Variants in NAV2 observed in about 807,000 individuals in gnomAD.
The protein encoded by NAV2 is helicase, APC down-regulated 1.
NAV2 carries 54 observed loss-of-function variants against 223.2 expected under a neutral mutation model. That is an observed-to-expected ratio of 0.24 (90% CI 0.19 to 0.30). The LOEUF is 0.30. Ranked by LOEUF, NAV2 falls within the 10% of genes least tolerant of loss-of-function variation. The pLI, the probability that NAV2 is intolerant of heterozygous loss-of-function variation, is 1.00. For missense variants in NAV2, 2,806 were observed against 3,147.5 expected (o/e 0.89, Z 2.60); for synonymous variants, 1,279 against 1,239.3 (o/e 1.03, Z -0.67).
At chr11:20,014,004 C>T (rs2053795700) in intron 11 of NAV2, among the ~76,000 whole-genome samples, 1 of 152,182 alleles carries the variant, frequency 6.6e-6, no homozygotes, top group South Asian at 2.1e-4. Context: ...TCTCCTCTGC[C>T]CTGCAGCGCA....
intron 10 of NAV2, among the ~76,000 whole-genome samples, chr11:19,971,555 T>A (rs2049247201): frequency 6.6e-6 from 1 of 152,162 alleles, no homozygotes; most frequent in Non-Finnish European, 1.5e-5. Context: ...CCCATGTGAA[T>A]GTATCATATG....
At chr11:19,529,776 C>T (rs2043967227) in intron 1 of NAV2, among the ~76,000 whole-genome samples, 1 of 152,236 alleles carries the variant, frequency 6.6e-6, no homozygotes, top group South Asian at 2.1e-4. Flanking sequence ...TCAAATCACT[C>T]AGTGACCGGT....
At chr11:19,982,259 T>TTTTGTTTTG (rs1555178644) in intron 10 of NAV2, among the ~76,000 whole-genome samples, 12,229 of 135,556 alleles carry the variant, frequency 0.09, 542 homozygotes, top group African/African-American at 0.11. Flanking sequence ...TTTGTTTTTG[T>TTTTGTTTTG]TTTTGTTTTG....
rs370548229 is a variant in NAV2 at position 19,939,668 on chromosome 11, A to C, written c.2041A>C (p.Thr681Pro). 20 of 1,613,982 alleles carry C rather than the reference A, an allele frequency of 1.2e-5. No individual in the cohort carries two copies. Among genetic ancestry groups the C allele is most frequent in the Non-Finnish European group, 1.6e-5 (19 of 1,179,916 alleles). The change falls in exon 8 of 38, where the codon ACG (threonine) becomes CCG (proline). Residue 681 changes from threonine (T) to proline (P), a missense_variant. Thr to Pro is a conservative substitution (Grantham distance 38). This residue lies in a region of NAV2 where 1,167 missense variants were observed against 1,180.5 expected (regional missense o/e 0.99). Transcript: ENST00000349880. Reference sequence around the variant, plus strand: ...TTCGGTTTGTGTGTGAAGGTCTCAGACGGACACTGAAGGGAATGTTACTGC... The same window carrying C: ...TTCGGTTTGTGTGTGAAGGTCTCAGCCGGACACTGAAGGGAATGTTACTGC... ...TVAPFLYRSQ[T>P]DTEGNVTAES...
intron 1 of NAV2, among the ~76,000 whole-genome samples, chr11:19,799,543 C>T (rs749107359): frequency 2.7e-5 from 4 of 146,516 alleles, no homozygotes; most frequent in Admixed American, 6.9e-5. Flanking sequence ...CTGGCCAGGA[C>T]GCCCGTTATA....
rs1403292575 is a variant in NAV2, at chr11:19,949,089, C to T, written c.2645+9C>T. 6.4e-7 allele frequency: 1 copy of T among 1,571,934 alleles called. No individual in the cohort carries two copies. Among genetic ancestry groups the T allele is most frequent in the East Asian group, 2.3e-5 (1 of 44,304 alleles). ...GATGACATTACAAGCGGGTAAGTAC[C>T]CGGGGCCGCCCTTTCTCCCAGAGAG... On this transcript the variant is annotated intron_variant, in intron 10 of 37. Coordinates refer to ENST00000349880, the MANE Select transcript of NAV2 (RefSeq NM_145117.5).
chr11:20,113,107 C>T (rs1160726109), intron 36 of NAV2, among the ~76,000 whole-genome samples: 2 of 152,216 alleles, frequency 1.3e-5, no homozygotes, highest in African/African-American at 4.8e-5. Context: ...CATGTCCTGC[C>T]ACATGGACCA....
chr11:19,709,164 C>T (rs2049774426), upstream of NAV2, among the ~76,000 whole-genome samples: 1 of 149,678 alleles, frequency 6.7e-6, no homozygotes, highest in Non-Finnish European at 1.5e-5. Context: ...GAAAAAATAG[C>T]TTCCCCCCGC....
intron 1 of NAV2, among the ~76,000 whole-genome samples, chr11:19,671,362 A>G (rs144747816): frequency 3.3e-5 from 5 of 152,252 alleles, no homozygotes; most frequent in Non-Finnish European, 7.4e-5. Context: ...TGTAGTTTTT[A>G]TGTCCTGTCC....
At chr11:19,579,466 T>C (rs1482967312) in intron 1 of NAV2, among the ~76,000 whole-genome samples, 6 of 152,106 alleles carry the variant, frequency 3.9e-5, no homozygotes, top group Non-Finnish European at 8.8e-5. Context: ...CTGACAGTCA[T>C]GGGTGGCAGC....
In NAV2 at chr11:20,114,727, T is replaced by A. The variant is rs2062908857; in HGVS notation, c.7096T>A (p.Tyr2366Asn). The A allele has an allele frequency of 6.2e-7, 1 of 1,614,006 alleles. No homozygotes were observed. The highest frequency in any genetic ancestry group is 8.5e-7 in the Non-Finnish European group (1 of 1,180,030). Residue 2366 changes from tyrosine (Y) to asparagine (N), a missense_variant, in exon 37 of 38, where the codon TAC (tyrosine) becomes AAC (asparagine). This residue lies in a region of NAV2 where 824 missense variants were observed against 1,069.4 expected (regional missense o/e 0.77). Coordinates refer to ENST00000349880, the MANE Select transcript of NAV2 (RefSeq NM_145117.5). Reference protein sequence around the residue: ...LRPEDVGFDGYSMPREGSTSK... With the variant: ...LRPEDVGFDGNSMPREGSTSK... The stretch of plus-strand genomic sequence containing the variant: ...GCCTGAGGATGTCGGCTTCGACGGC[T>A]ACTCCATGCCTCGGGAGGGATCGAC...
intron 1 of NAV2, among the ~76,000 whole-genome samples, chr11:19,624,766 A>G (rs964909950): frequency 2.0e-5 from 3 of 152,132 alleles, no homozygotes; most frequent in Admixed American, 6.5e-5. Context: ...ACTGTCCTGC[A>G]CCCACTGTCT....
chr11:19,485,036 AGGCCC>A (rs1218699113), intron 1 of NAV2, among the ~76,000 whole-genome samples: 2 of 4,314 alleles, frequency 4.6e-4, no homozygotes, highest in Admixed American at 0.028. Context: ...TGTGCACTAG[AGGCCC>A]AGAGGCCCAG....
At chr11:19,562,540 G>A (rs2045137545) in intron 1 of NAV2, among the ~76,000 whole-genome samples, 1 of 152,092 alleles carries the variant, frequency 6.6e-6, no homozygotes, top group African/African-American at 2.4e-5. Flanking sequence ...TGGAGCTTAG[G>A]CACTAAATCA....
At chr11:19,469,586 T>A (rs1445219539) in intron 1 of NAV2, among the ~76,000 whole-genome samples, 3 of 152,114 alleles carry the variant, frequency 2.0e-5, no homozygotes, top group Non-Finnish European at 4.4e-5. Context: ...TCCACTGTGG[T>A]CTCTCACCTC....
intron 24 of NAV2, among the ~76,000 whole-genome samples, chr11:20,079,100 G>A (rs1033535281): frequency 2.0e-5 from 3 of 152,094 alleles, no homozygotes; most frequent in Non-Finnish European, 4.4e-5. Flanking sequence ...GAGTGCACTG[G>A]CATGATCTCC....
chr11:20,106,580 T>C (rs532829439), intron 35 of NAV2, among the ~76,000 whole-genome samples: 1 of 151,800 alleles, frequency 6.6e-6, no homozygotes, highest in African/African-American at 2.4e-5. Flanking sequence ...AAAAATCCTT[T>C]TTCATTTAGC....
chr11:20,061,568 C>CAA (rs34084582), intron 19 of NAV2, among the ~76,000 whole-genome samples: 74 of 94,792 alleles, frequency 7.8e-4, no homozygotes, highest in Non-Finnish European at 9.5e-4. Context: ...AACTCCATCT[C>CAA]AAAAAAAAAA....
intron 1 of NAV2, among the ~76,000 whole-genome samples, chr11:19,723,415 C>G (rs369225235): frequency 2.0e-5 from 3 of 152,194 alleles, no homozygotes; most frequent in African/African-American, 7.2e-5. Flanking sequence ...GAACTGAGGT[C>G]TTTCTGATTC....
Sources: allele counts gnomAD v4.1 joint callset (sites outside exome capture counted in the v4.1 genomes callset), GRCh38; gene constraint gnomAD v4.1.1; regional missense constraint gnomAD v4.1.1; transcripts MANE v1.5; gene names NCBI Gene and HGNC (gene_info 2026-07-23, HGNC 2026-07-21).